C2orf49: variants seen among roughly 807,000 people sequenced by gnomAD.
C2orf49 encodes the protein tRNA splicing ligase complex subunit 2, also known as tRNA-splicing ligase complex subunit ASW.
C2orf49 carries 11 observed loss-of-function variants against 20.6 expected under a neutral mutation model. The ratio of observed to expected loss-of-function variants is 0.53; its 90% CI spans 0.34 to 0.88. The LOEUF (loss-of-function observed/expected upper bound fraction) is 0.88, where lower values mean the gene tolerates loss of function less well. C2orf49 is among the 40% of genes least tolerant of loss of function. The probability of loss-of-function intolerance (pLI) is 0.02; values close to 1 mark genes in which losing one functional copy is unlikely to be tolerated. For missense variants in C2orf49, 289 were observed against 274.2 expected (o/e 1.05, Z -0.38); for synonymous variants, 134 against 108.5 (o/e 1.24, Z -1.46).
rs75682353 is a variant in C2orf49, at chr2:105,340,868, C to G, written c.266+1119C>G. Among the ~76,000 whole-genome samples, 54 of 152,212 alleles carry G rather than the reference C, an allele frequency of 3.5e-4. 5 individuals carry two copies. In the East Asian group the frequency reaches 7.9e-3, roughly 22 times the overall value. ...ACCGTCATAGGCAATCCACTAGAAG[C>G]AGTGAGAGAAGACAGAGTAGGAGGG... is the stretch of plus-strand genomic sequence containing the variant. On this transcript the variant is annotated intron_variant, in intron 2 of 3. Transcript: ENST00000258457.
downstream of C2orf49, among the ~76,000 whole-genome samples, chr2:105,352,866 T>A (rs1257266924): frequency 6.6e-6 from 1 of 152,174 alleles, no homozygotes; most frequent in Non-Finnish European, 1.5e-5. Flanking sequence ...CTAGTTATAT[T>A]TTTTTAATTC....
rs897974420 is a variant in C2orf49, at chr2:105,337,793, G to A, written c.99+107G>A. On this transcript the variant is annotated intron_variant, in intron 1 of 3. Transcript: ENST00000258457. ...TCGGCAACCACGGACACTCCCGCCG[G>A]GTTTGTGTCACTCTCCACCCACACA... is the stretch of plus-strand genomic sequence containing the variant. 4 of 1,000,966 alleles carry A rather than the reference G, an allele frequency of 4.0e-6. No individual in the cohort carries two copies. In the African/African-American group the frequency reaches 4.8e-5, roughly 12 times the overall value. The allele number at this position is 1,000,966 out of a possible 1,614,324, so 62.0% of individuals were successfully genotyped here.
chr2:105,352,459 T>TTC (rs1679961114), downstream of C2orf49, among the ~76,000 whole-genome samples: 3 of 146,746 alleles, frequency 2.0e-5, no homozygotes, highest in Non-Finnish European at 4.5e-5. Context: ...TTCGTTTTTT[T>TTC]TTTGAGATGG....
chr2:105,340,160 C>T (rs1441976350), intron 2 of C2orf49, among the ~76,000 whole-genome samples: 1 of 152,168 alleles, frequency 6.6e-6, no homozygotes, highest in East Asian at 1.9e-4. Context: ...AAGCAGCTAT[C>T]AGGGCTGGAT....
the C2orf49 span, among the ~76,000 whole-genome samples, chr2:105,369,545 C>T: frequency 1.3e-5 from 2 of 152,098 alleles, no homozygotes; most frequent in East Asian, 3.8e-4. Flanking sequence ...TGACACGCAG[C>T]GATCTTTTAA....
At chr2:105,355,372 T>G in the C2orf49 span, among the ~76,000 whole-genome samples, 1 of 152,172 alleles carries the variant, frequency 6.6e-6, no homozygotes, top group Non-Finnish European at 1.5e-5. Context: ...CCCATGTGTC[T>G]GGTAAAGACA....
the C2orf49 span, among the ~76,000 whole-genome samples, chr2:105,379,801 TGGC>T: frequency 1.3e-5 from 2 of 152,232 alleles, no homozygotes; most frequent in African/African-American, 4.8e-5. Flanking sequence ...AAATCCCACT[TGGC>T]TGCAAGTCCC....
At chr2:105,352,733 C>T (rs1558671210), downstream of C2orf49, among the ~76,000 whole-genome samples, 1 of 152,064 alleles carries the variant, frequency 6.6e-6, no homozygotes, top group Non-Finnish European at 1.5e-5. Flanking sequence ...CTTGAGCCAC[C>T]GCACCCAGCT....
At chr2:105,342,205 A>T (rs1679689630) in intron 2 of C2orf49, among the ~76,000 whole-genome samples, 3 of 152,226 alleles carry the variant, frequency 2.0e-5, no homozygotes. Context: ...CATCTGTGAG[A>T]TAGGTGATAT....
chr2:105,371,805 T>C, the C2orf49 span, among the ~76,000 whole-genome samples: 5 of 152,178 alleles, frequency 3.3e-5, no homozygotes, highest in African/African-American at 1.2e-4. Context: ...TTTAATTTGT[T>C]TTTCAATTAA....
the C2orf49 span, among the ~76,000 whole-genome samples, chr2:105,381,762 G>A: frequency 3.0e-4 from 46 of 152,032 alleles, no homozygotes; most frequent in African/African-American, 1.1e-3. Context: ...AATTCTACAC[G>A]GAAGAAGATC....
chr2:105,339,868 T>A lies in C2orf49; in HGVS notation c.266+119T>A, dbSNP rs943406970. The A allele has an allele frequency of 4.6e-6, 4 of 873,028 alleles. No homozygotes were observed. In the South Asian group the frequency reaches 8.4e-5, roughly 18 times the overall value. The allele number at this position is 873,028 out of a possible 1,614,324, so 54.1% of individuals were successfully genotyped here. A position where few individuals can be genotyped will look rare whatever the true frequency, so the allele number is the denominator to read the frequency against. ...ATTTATTTACTCAATGACTATCTAT[T>A]GAGCACCAGGCACTGTGCGTATAGC... On this transcript the variant is annotated intron_variant, in intron 2 of 3. Coordinates refer to ENST00000258457, the MANE Select transcript of C2orf49 (RefSeq NM_024093.3).
the C2orf49 span, among the ~76,000 whole-genome samples, chr2:105,369,540 C>T: frequency 3.7e-4 from 56 of 152,196 alleles, no homozygotes; most frequent in Middle Eastern, 3.4e-3. Flanking sequence ...GATGGTGACA[C>T]GCAGCGATCT....
At chr2:105,373,714 C>CGGTCCTT in the C2orf49 span, 1 of 1,614,036 alleles carries the variant, frequency 6.2e-7, no homozygotes, top group Non-Finnish European at 8.5e-7. Context: ...ATGCCAGTGC[C>CGGTCCTT]GGTCCTTGTA....
intron 1 of C2orf49, among the ~76,000 whole-genome samples, chr2:105,338,537 GC>G (rs1301463717): frequency 6.6e-6 from 1 of 152,140 alleles, no homozygotes; most frequent in Non-Finnish European, 1.5e-5. Context: ...CCGAAATCTT[GC>G]ATTTTTAACG....
chr2:105,368,815 G>T, the C2orf49 span, among the ~76,000 whole-genome samples: 1 of 152,292 alleles, frequency 6.6e-6, no homozygotes, highest in South Asian at 2.1e-4. Context: ...AGAACAATCT[G>T]GGGAAATAAG....
At chr2:105,372,449 A>C in the C2orf49 span, among the ~76,000 whole-genome samples, 1 of 151,964 alleles carries the variant, frequency 6.6e-6, no homozygotes, top group East Asian at 1.9e-4. Flanking sequence ...CTGGTCTCAA[A>C]CTCCTGACCT....
chr2:105,378,016 G>A, the C2orf49 span: 1 of 463,862 alleles, frequency 2.2e-6, no homozygotes, highest in Non-Finnish European at 4.5e-6. Flanking sequence ...AACTGAGAGA[G>A]AAATCTCCAA....
the C2orf49 span, among the ~76,000 whole-genome samples, chr2:105,383,725 C>A: frequency 6.6e-6 from 1 of 152,170 alleles, no homozygotes; most frequent in African/African-American, 2.4e-5. Context: ...GGCTTTACTT[C>A]CAGAAAAAAA....
Sources: allele counts gnomAD v4.1 joint callset (sites outside exome capture counted in the v4.1 genomes callset), GRCh38; gene constraint gnomAD v4.1.1; transcripts MANE v1.5; gene names NCBI Gene and HGNC (gene_info 2026-07-23, HGNC 2026-07-21).